The following PTPRD variants were observed in gnomAD, a reference collection of about 807,000 sequenced individuals.
PTPRD encodes the protein receptor-type tyrosine-protein phosphatase delta.
Under a neutral mutation model 214.5 loss-of-function variants are expected in PTPRD, and 34 were observed. The observed-to-expected ratio is 0.16, with a 90% CI of 0.12 to 0.21. The LOEUF is 0.21. Among genes scored for constraint, PTPRD ranks in the 10% least tolerant of loss-of-function variants. PTPRD has a pLI of 1.00. For synonymous variants in PTPRD, 1,128 were observed against 845.7 expected (o/e 1.33, Z -5.79); for missense variants, 2,545 against 2,398.7 (o/e 1.06, Z -1.27).
At chr9:9,032,693 G>A (rs324461) in intron 10 of PTPRD, among the ~76,000 whole-genome samples, 147,197 of 152,134 alleles carry the variant, frequency 0.97, 71,394 homozygotes, top group Middle Eastern at 1. Flanking sequence ...AACTTGTATA[G>A]TTCAGACAAG....
chr9:9,516,242 AT>A (rs1397127994), intron 8 of PTPRD, among the ~76,000 whole-genome samples: 1 of 152,138 alleles, frequency 6.6e-6, no homozygotes, highest in African/African-American at 2.4e-5. Flanking sequence ...ATCTAAATCT[AT>A]TTTAACTCCC....
chr9:9,184,546 G>C (rs945016724), intron 9 of PTPRD, among the ~76,000 whole-genome samples: 1 of 151,960 alleles, frequency 6.6e-6, no homozygotes, highest in Non-Finnish European at 1.5e-5. Flanking sequence ...ATGAGCATTC[G>C]TCACCTCACC....
At chr9:10,183,190 C>A (rs554630145) in intron 3 of PTPRD, among the ~76,000 whole-genome samples, 4 of 151,946 alleles carry the variant, frequency 2.6e-5, no homozygotes, top group Admixed American at 1.3e-4. Context: ...TTTAAAGAAA[C>A]AATACACATT....
At chr9:10,065,187 G>GAAAGAAAGAAAGA (rs1204307146) in intron 3 of PTPRD, among the ~76,000 whole-genome samples, 10 of 151,776 alleles carry the variant, frequency 6.6e-5, no homozygotes, top group African/African-American at 1.9e-4. Flanking sequence ...AAGAAAGAAA[G>GAAAGAAAGAAAGA]AAAGAAAAGG....
intron 5 of PTPRD, among the ~76,000 whole-genome samples, chr9:9,853,659 C>T (rs1045736879): frequency 7.9e-5 from 12 of 152,068 alleles, no homozygotes; most frequent in African/African-American, 2.9e-4. Context: ...AGCAATTCTC[C>T]TGCCTCAGCC....
In PTPRD at chr9:10,382,634, T is replaced by A. The variant is rs56333782; in HGVS notation, c.-599-41617A>T. ...ACAATGTTTGCTTAAAATAAAGTTCTTAATCAGCATACCAGTATATATCAC... is the reference window on the plus strand; with the variant it reads ...ACAATGTTTGCTTAAAATAAAGTTCATAATCAGCATACCAGTATATATCAC... On this transcript the variant is annotated intron_variant, in intron 2 of 45. Transcript: ENST00000381196. Among the ~76,000 whole-genome samples the A allele has an allele frequency of 4.6e-3, 697 of 152,032 alleles. 5 individuals are homozygous for A. The highest frequency in any genetic ancestry group is 8.1e-3 in the Non-Finnish European group (550 of 67,874).
intron 9 of PTPRD, among the ~76,000 whole-genome samples, chr9:9,341,124 GTA>G (rs58244188): frequency 0.45 from 67,334 of 150,164 alleles, 15,161 homozygotes; most frequent in African/African-American, 0.51. Flanking sequence ...ATATTTATGT[GTA>G]TATATATATA....
chr9:10,514,563 T>C (rs998147602), intron 2 of PTPRD, among the ~76,000 whole-genome samples: 1 of 151,928 alleles, frequency 6.6e-6, no homozygotes, highest in Non-Finnish European at 1.5e-5. Flanking sequence ...TATTTCCAAA[T>C]TGCACTTATT....
intron 8 of PTPRD, among the ~76,000 whole-genome samples, chr9:9,436,352 A>G (rs1209406861): frequency 6.6e-6 from 1 of 152,120 alleles, no homozygotes; most frequent in Non-Finnish European, 1.5e-5. Flanking sequence ...CTACCTGCAC[A>G]TAAGGCCCTT....
chr9:9,384,757 C>T (rs1437744762), intron 9 of PTPRD, among the ~76,000 whole-genome samples: 1 of 151,856 alleles, frequency 6.6e-6, no homozygotes, highest in Non-Finnish European at 1.5e-5. Flanking sequence ...GATGAATTTT[C>T]TCATTGCTGC....
chr9:8,721,253 AACCCCATCCCT>A (rs1394989343), intron 12 of PTPRD, among the ~76,000 whole-genome samples: 3 of 151,762 alleles, frequency 2.0e-5, no homozygotes, highest in Non-Finnish European at 4.4e-5. Flanking sequence ...ACATGGCAAA[AACCCCATCCCT>A]ACTAATAATG....
At chr9:8,650,750 G>A (rs886082574) in intron 12 of PTPRD, among the ~76,000 whole-genome samples, 1 of 152,024 alleles carries the variant, frequency 6.6e-6, no homozygotes, top group Admixed American at 6.5e-5. Flanking sequence ...GTTTTATTTT[G>A]TGCAATACCT....
intron 12 of PTPRD, among the ~76,000 whole-genome samples, chr9:8,710,393 G>C (rs370645670): frequency 3.9e-5 from 6 of 152,030 alleles, no homozygotes; most frequent in African/African-American, 1.4e-4. Flanking sequence ...AAGGCGGTGG[G>C]TCACTTGAGC....
intron 5 of PTPRD, among the ~76,000 whole-genome samples, chr9:9,927,001 T>A (rs917914625): frequency 6.6e-6 from 1 of 152,160 alleles, no homozygotes; most frequent in Non-Finnish European, 1.5e-5. Context: ...TAATTAGGTA[T>A]TGCAGGAAAA....
chr9:10,310,042 G>A (rs959353002), intron 3 of PTPRD, among the ~76,000 whole-genome samples: 4 of 152,028 alleles, frequency 2.6e-5, no homozygotes, highest in Non-Finnish European at 4.4e-5. Flanking sequence ...TACAATCAAA[G>A]CTGGGAACTC....
At chr9:10,102,033 T>C (rs1032571791) in intron 3 of PTPRD, among the ~76,000 whole-genome samples, 2 of 151,798 alleles carry the variant, frequency 1.3e-5, no homozygotes, top group African/African-American at 4.8e-5. Context: ...TTGTAATTTA[T>C]ATTTTAATGT....
At chr9:9,420,845 A>G (rs1305992803) in intron 8 of PTPRD, among the ~76,000 whole-genome samples, 2 of 151,988 alleles carry the variant, frequency 1.3e-5, no homozygotes, top group African/African-American at 4.8e-5. Context: ...GTATCTATAT[A>G]TTTGTAAAGA....
intron 7 of PTPRD, among the ~76,000 whole-genome samples, chr9:9,678,296 T>C (rs1323230589): frequency 6.6e-6 from 1 of 152,100 alleles, no homozygotes; most frequent in Non-Finnish European, 1.5e-5. Flanking sequence ...GCTGGAGGCA[T>C]CATGCTACCT....
chr9:8,441,437 TGTG>T (rs2095543902), intron 34 of PTPRD, among the ~76,000 whole-genome samples: 1 of 152,074 alleles, frequency 6.6e-6, no homozygotes, highest in Non-Finnish European at 1.5e-5. Context: ...CAGAGTATCG[TGTG>T]GCATTTCCTC....
Sources: gnomAD v4.1 joint callset for allele counts (sites outside exome capture counted in the v4.1 genomes callset) on GRCh38, gnomAD v4.1.1 for gene constraint, MANE v1.5 for transcripts, NCBI Gene and HGNC (gene_info 2026-07-23, HGNC 2026-07-21) for gene names.